CYP2A13: variants seen among roughly 807,000 people sequenced by gnomAD.
CYP2A13 encodes the protein cytochrome P450 2A13.
A neutral mutation model predicts 39.4 loss-of-function variants in CYP2A13; 30 were observed. That is an observed-to-expected ratio of 0.76 (90% CI 0.57 to 1.03). The LOEUF is 1.03. CYP2A13 is among the 50% of genes least tolerant of loss of function. The pLI, the probability that CYP2A13 is intolerant of heterozygous loss-of-function variation, is 0.00. For missense variants in CYP2A13, 731 were observed against 648.4 expected (o/e 1.13, Z -1.38); for synonymous variants, 269 against 254.7 (o/e 1.06, Z -0.54).
chr19:41,089,861 T>C (rs1287294824), intron 2 of CYP2A13, among the ~76,000 whole-genome samples, 186 bp from the exon 3 acceptor site: 4 of 101,616 alleles, frequency 3.9e-5, no homozygotes, highest in African/African-American at 1.2e-4. Context: ...TCTCTCTCTC[T>C]CTCTCTCTCT....
chr19:41,092,879 C>T (rs1335923636), intron 5 of CYP2A13, among the ~76,000 whole-genome samples: 1 of 152,166 alleles, frequency 6.6e-6, no homozygotes, highest in Non-Finnish European at 1.5e-5. Flanking sequence ...AAATAGGATG[C>T]TGTTGCTTAA....
chr19:41,089,836 C>G (rs2031133549), intron 2 of CYP2A13, among the ~76,000 whole-genome samples: 2 of 130,854 alleles, frequency 1.5e-5, no homozygotes. Context: ...CTCTCTCTCT[C>G]TCTCTCTCTC....
At position 41,090,395 on chromosome 19, in the gene CYP2A13, C is replaced by T. The variant is rs1376382679; in HGVS notation, c.494-9C>T. The T allele has an allele frequency of 1.5e-5, 24 of 1,613,934 alleles. No individual in the cohort carries two copies. The highest frequency in any genetic ancestry group is 5.5e-5 in the South Asian group (5 of 91,078). On this transcript the variant is annotated splice_polypyrimidine_tract_variant and intron_variant, in intron 3 of 8. Transcript: ENST00000330436. Reference sequence around the variant, plus strand: ...TCTCCCCAACCCCCTTCTCCCGCCACACCTGCAGGCGCCAATATCGATCCC... The same window carrying T: ...TCTCCCCAACCCCCTTCTCCCGCCATACCTGCAGGCGCCAATATCGATCCC...
Position 41,090,518 on chromosome 19 carries a change from G to T in CYP2A13, c.608G>T (p.Arg203Leu), listed in dbSNP as rs370968595. Reference protein sequence around the residue: ...YEDKEFLSLLRMMLGSFQFTA... With the variant: ...YEDKEFLSLLLMMLGSFQFTA... Reference sequence around the variant, plus strand: ...GACAAAGAGTTCCTGTCACTGTTGCGCATGATGCTGGGAAGCTTCCAGTTC... The same window carrying T: ...GACAAAGAGTTCCTGTCACTGTTGCTCATGATGCTGGGAAGCTTCCAGTTC... The change falls in exon 4 of 9, where the codon CGC becomes CTC. Residue 203 changes from arginine to leucine, a missense_variant. Transcript: ENST00000330436. 1.9e-6 allele frequency: 3 copies of T among 1,614,118 alleles called. No individual in the cohort carries two copies. Among genetic ancestry groups the T allele is most frequent in the Admixed American group, 1.7e-5 (1 of 60,026 alleles).
rs112096842 is a variant in CYP2A13 at position 41,093,794 on chromosome 19, G to C, written c.973+23G>C. 11 of 1,613,082 alleles carry C rather than the reference G, an allele frequency of 6.8e-6. 1 individual carries two copies. The highest frequency in any genetic ancestry group is 6.7e-5 in the African/African-American group (5 of 74,818). ...AGGGTAAGACTGGAAAGGGAGGAAA[G>C]TGAAGGGCCCCAGACCCTCAAAACT... On this transcript the variant is annotated intron_variant, in intron 6 of 8. Coordinates refer to ENST00000330436, the MANE Select transcript of CYP2A13 (RefSeq NM_000766.5).
In CYP2A13 at chr19:41,094,440, C is replaced by G; in HGVS notation, c.1161+8C>G. Reference sequence around the variant, plus strand: ...GATTTCTTCCTCCCTAAGGTGCTGTCTCCCCTCCACCACCACCACTCAGAC... The same window carrying G: ...GATTTCTTCCTCCCTAAGGTGCTGTGTCCCCTCCACCACCACCACTCAGAC... On this transcript the variant is annotated splice_region_variant and intron_variant, in intron 7 of 8. Coordinates refer to ENST00000330436, the MANE Select transcript of CYP2A13 (RefSeq NM_000766.5). 6.2e-7 allele frequency: 1 copy of G among 1,614,016 alleles called. No homozygotes were observed. The highest frequency in any genetic ancestry group is 1.1e-5 in the South Asian group (1 of 91,072).
intron 3 of CYP2A13, 37 bp downstream of exon 3, chr19:41,090,233 G>T: frequency 1.9e-6 from 3 of 1,547,568 alleles, no homozygotes; most frequent in Non-Finnish European, 2.6e-6. Context: ...GCGGGAACCC[G>T]CGCTTTCTGC....
Position 41,094,428 on chromosome 19 carries a change from C to T in CYP2A13, c.1157C>T (p.Pro386Leu). The change falls in exon 7 of 9, where the codon CCT (proline) becomes CTT (leucine). Residue 386 changes from proline to leucine, a missense_variant. Physicochemically the swap from Pro to Leu is moderately conservative, Grantham distance 98. Coordinates refer to ENST00000330436, the MANE Select transcript of CYP2A13 (RefSeq NM_000766.5). The stretch of plus-strand genomic sequence containing the variant: ...ACCAAGTTTCGGGATTTCTTCCTCC[C>T]TAAGGTGCTGTCTCCCCTCCACCAC... ...KDTKFRDFFL[P>L]KGTEVFPMLG... 6.2e-7 allele frequency: 1 copy of T among 1,614,070 alleles called. No homozygotes were observed. The highest frequency in any genetic ancestry group is 8.5e-7 in the Non-Finnish European group (1 of 1,179,992).
chr19:41,093,573 A>AGG, intron 5 of CYP2A13, 57 bp from the exon 6 acceptor site: 1 of 1,603,256 alleles, frequency 6.2e-7, no homozygotes, highest in Non-Finnish European at 8.5e-7. Context: ...GAAAAGCCCT[A>AGG]GAAGGGCCCC....
chr19:41,092,915 ACT>A (rs1380319184), intron 5 of CYP2A13, among the ~76,000 whole-genome samples: 3 of 150,952 alleles, frequency 2.0e-5, no homozygotes, highest in Non-Finnish European at 4.4e-5. Context: ...TCTCAGAAAA[ACT>A]CTTTTTTTCT....
At chr19:41,089,220 A>G in intron 2 of CYP2A13, 129 bp downstream of exon 2, 1 of 1,476,406 alleles carries the variant, frequency 6.8e-7, no homozygotes, top group Non-Finnish European at 9.1e-7. Context: ...TTCTCTCCCC[A>G]TCTCCCTTCA....
intron 1 of CYP2A13, 75 bp downstream of exon 1, chr19:41,088,726 G>C: frequency 6.4e-7 from 1 of 1,558,026 alleles, no homozygotes; most frequent in East Asian, 2.3e-5. Flanking sequence ...GCAGGGGATT[G>C]ACCAGTGTGG....
chr19:41,090,049 G>C lies in CYP2A13; in HGVS notation c.346G>C (p.Val116Leu), dbSNP rs751293256. The part of the protein sequence containing the change: ...TFDWLFKGYG[V>L]AFSNGERAKQ... ...CACCCCCGCGTTCACCTCCCCAGGC[G>C]TGGCGTTCAGCAACGGGGAGCGCGC... The change falls in exon 3 of 9, where the codon GTG (valine) becomes CTG (leucine). Residue 116 changes from valine (V) to leucine (L), a missense_variant and splice_region_variant. By Grantham distance (32) the Val-to-Leu change is conservative. Transcript: ENST00000330436. 1.9e-6 allele frequency: 3 copies of C among 1,611,962 alleles called. No individual in the cohort carries two copies. In the South Asian group the frequency reaches 3.3e-5, roughly 18 times the overall value.
intron 7 of CYP2A13, 140 bp from the exon 8 acceptor site, chr19:41,094,819 T>C: frequency 1.1e-6 from 1 of 916,462 alleles, no homozygotes; most frequent in Admixed American, 2.3e-5. Flanking sequence ...CCCCCAAAGC[T>C]CCTCCCTCAG....
Position 41,094,619 on chromosome 19 carries a change from C to T in CYP2A13, c.1161+187C>T, listed in dbSNP as rs940233075. Among the ~76,000 whole-genome samples, 5 of 152,116 alleles carry T rather than the reference C, an allele frequency of 3.3e-5. No individual in the cohort carries two copies. The East Asian group carries it at 7.7e-4, about 23-fold the overall frequency. On this transcript the variant is annotated intron_variant, in intron 7 of 8. Transcript: ENST00000330436. ...TTAGACAGTCCTGAGTCCTGCATCT[C>T]GCCAGACTCTTTGTGTCAGGAGAAT...
chr19:41,094,605 T>G (rs1568368206), intron 7 of CYP2A13, among the ~76,000 whole-genome samples, 173 bp downstream of exon 7: 1 of 152,114 alleles, frequency 6.6e-6, no homozygotes, highest in Non-Finnish European at 1.5e-5. Context: ...TAGACAGTCC[T>G]GAGTCCTGCA....
Position 41,095,826 on chromosome 19 carries a change from T to A in CYP2A13, c.1370T>A (p.Met457Lys). The A allele has an allele frequency of 6.2e-7, 1 of 1,614,144 alleles. No homozygotes were observed. Among genetic ancestry groups the A allele is most frequent in the East Asian group, 2.2e-5 (1 of 44,880 alleles). Residue 457 changes from methionine (M) to lysine (K), a missense_variant, in exon 9 of 9, where the codon ATG (methionine) becomes AAG (lysine). Coordinates refer to ENST00000330436, the MANE Select transcript of CYP2A13 (RefSeq NM_000766.5). ...CTCTTTCTCTTCTTCACCACCATCA[T>A]GCAGAACTTTCGCTTCAAGTCCCCT... ...MELFLFFTTIMQNFRFKSPQS... is the reference protein window; with the variant it reads ...MELFLFFTTIKQNFRFKSPQS...
chr19:41,090,219 G>A (rs760443855), intron 3 of CYP2A13, 23 bp downstream of exon 3: 6 of 1,551,182 alleles, frequency 3.9e-6, no homozygotes, highest in South Asian at 1.2e-5. Context: ...CCCCGAGTGC[G>A]AGGGCGGGAA....
intron 2 of CYP2A13, 103 bp from the exon 3 acceptor site, chr19:41,089,944 C>T (rs1449955032): frequency 2.1e-6 from 3 of 1,399,488 alleles, no homozygotes; most frequent in South Asian, 1.5e-5. Flanking sequence ...TCTCTCCCAC[C>T]CCACTCCCTC....
Sources: allele counts gnomAD v4.1 joint callset (sites outside exome capture counted in the v4.1 genomes callset), GRCh38; gene constraint gnomAD v4.1.1; transcripts MANE v1.5; gene names NCBI Gene and HGNC (gene_info 2026-07-23, HGNC 2026-07-21).